HEMK2: variants seen among roughly 807,000 people sequenced by gnomAD.
HEMK2 encodes methyltransferase HEMK2.
chr21:28,876,466 T>C, the HEMK2 span: 11 of 1,605,700 alleles, frequency 6.9e-6, no homozygotes, highest in Admixed American at 1.6e-4. Context: ...GCAGACCTTT[T>C]GTCTTCATTA....
At chr21:28,758,776 A>G in the HEMK2 span, among the ~76,000 whole-genome samples, 1 of 152,110 alleles carries the variant, frequency 6.6e-6, no homozygotes, top group Admixed American at 6.5e-5. Context: ...CCTAAAAATA[A>G]CTTCCAGGTA....
the HEMK2 span, among the ~76,000 whole-genome samples, chr21:28,866,747 GGAAA>G: frequency 6.6e-6 from 1 of 151,954 alleles, no homozygotes; most frequent in South Asian, 2.1e-4. Flanking sequence ...AACAAAAAAA[GGAAA>G]GAAAGAAAAT....
At chr21:28,865,452 C>A in the HEMK2 span, among the ~76,000 whole-genome samples, 27 of 152,340 alleles carry the variant, frequency 1.8e-4, no homozygotes, top group African/African-American at 6.0e-4. Context: ...CAGGCGTGAG[C>A]CACCACGCCC....
the HEMK2 span, among the ~76,000 whole-genome samples, chr21:28,656,586 T>A: frequency 3.4e-4 from 51 of 151,856 alleles, no homozygotes; most frequent in African/African-American, 1.2e-3. Flanking sequence ...TGACTCAACA[T>A]CCATCCTACT....
the HEMK2 span, among the ~76,000 whole-genome samples, chr21:28,866,175 A>AAAAAACACAC: frequency 2.6e-5 from 2 of 76,232 alleles, no homozygotes; most frequent in African/African-American, 1.0e-4. Context: ...CAAAAAAAAA[A>AAAAAACACAC]ACACACACAC....
the HEMK2 span, among the ~76,000 whole-genome samples, chr21:28,786,187 C>T: frequency 6.6e-6 from 1 of 152,164 alleles, no homozygotes; most frequent in Admixed American, 6.5e-5. Context: ...TTAGGCAAAT[C>T]ACACCGCCAT....
At chr21:28,878,869 GTAGTT>G in the HEMK2 span, among the ~76,000 whole-genome samples, 1 of 149,882 alleles carries the variant, frequency 6.7e-6, no homozygotes. Flanking sequence ...TGGCCCTCTT[GTAGTT>G]TAAAGTGTGA....
At chr21:28,613,693 C>T in the HEMK2 span, among the ~76,000 whole-genome samples, 9 of 123,762 alleles carry the variant, frequency 7.3e-5, no homozygotes, top group East Asian at 2.8e-4. Context: ...AATTAATTCA[C>T]TAAAAAGAGT....
At chr21:28,815,123 C>T in the HEMK2 span, among the ~76,000 whole-genome samples, 6 of 150,708 alleles carry the variant, frequency 4.0e-5, no homozygotes, top group South Asian at 2.1e-4. Context: ...AGCAAACTAT[C>T]GCAAGGACAA....
At chr21:28,677,360 A>G in the HEMK2 span, among the ~76,000 whole-genome samples, 2,182 of 152,312 alleles carry the variant, frequency 0.014, 55 homozygotes, top group African/African-American at 0.05. Context: ...ACGGGTGTCC[A>G]CCATTGCCGA....
At chr21:28,785,311 A>G in the HEMK2 span, among the ~76,000 whole-genome samples, 1 of 152,238 alleles carries the variant, frequency 6.6e-6, no homozygotes, top group Non-Finnish European at 1.5e-5. Flanking sequence ...TCTGATTTCA[A>G]ATTTTTAAAT....
the HEMK2 span, among the ~76,000 whole-genome samples, chr21:28,646,796 G>A: frequency 2.0e-5 from 3 of 152,170 alleles, no homozygotes; most frequent in Admixed American, 1.3e-4. Flanking sequence ...CATTTGGCAT[G>A]AGCTTCCAAC....
chr21:28,859,620 C>G, the HEMK2 span, among the ~76,000 whole-genome samples: 3 of 152,118 alleles, frequency 2.0e-5, no homozygotes, highest in Non-Finnish European at 4.4e-5. Context: ...ATTTTCATCT[C>G]TCATCTATGG....
the HEMK2 span, among the ~76,000 whole-genome samples, chr21:28,711,300 G>A: frequency 7.9e-5 from 12 of 152,104 alleles, no homozygotes; most frequent in Non-Finnish European, 1.3e-4. Context: ...GAGGGCTGGG[G>A]GGCATTGCAG....
At chr21:28,729,672 T>C in the HEMK2 span, among the ~76,000 whole-genome samples, 1 of 151,702 alleles carries the variant, frequency 6.6e-6, no homozygotes, top group Non-Finnish European at 1.5e-5. Context: ...TTCATAATGT[T>C]TTAAGAAAGT....
chr21:28,771,116 T>G, the HEMK2 span, among the ~76,000 whole-genome samples: 15 of 152,262 alleles, frequency 9.9e-5, no homozygotes, highest in African/African-American at 3.6e-4. Flanking sequence ...CACAAACAAC[T>G]GTTACTCCCA....
the HEMK2 span, among the ~76,000 whole-genome samples, chr21:28,838,984 T>A: frequency 7.5e-4 from 46 of 61,484 alleles, no homozygotes; most frequent in African/African-American, 1.2e-3. Flanking sequence ...TATATATATA[T>A]ATATATATAT....
the HEMK2 span, among the ~76,000 whole-genome samples, chr21:28,652,216 C>T: frequency 6.6e-6 from 1 of 152,052 alleles, no homozygotes; most frequent in Non-Finnish European, 1.5e-5. Flanking sequence ...TATTTCTTCC[C>T]TCTTTCCTTT....
chr21:28,584,511 T>C, the HEMK2 span, among the ~76,000 whole-genome samples: 147 of 152,312 alleles, frequency 9.7e-4, no homozygotes, highest in Middle Eastern at 6.8e-3. Context: ...TTCTAAAATA[T>C]ATCTCAAAAA....
Sources: gnomAD v4.1 joint callset for allele counts (sites outside exome capture counted in the v4.1 genomes callset) on GRCh38, gnomAD v4.1.1 for gene constraint, MANE v1.5 for transcripts, NCBI Gene and HGNC (gene_info 2026-07-23, HGNC 2026-07-21) for gene names.